KHDRBS2: variants seen among roughly 807,000 people sequenced by gnomAD.
The protein encoded by KHDRBS2 is KH domain-containing, RNA-binding, signal transduction-associated protein 2.
In KHDRBS2, 26 loss-of-function variants were observed where a neutral mutation model predicts 44.3. The ratio of observed to expected loss-of-function variants is 0.59; its 90% confidence interval spans 0.43 to 0.81. The LOEUF (loss-of-function observed/expected upper bound fraction) is 0.81, where lower values mean the gene tolerates loss of function less well. Among genes scored for constraint, KHDRBS2 ranks in the 40% least tolerant of loss-of-function variants. The pLI is 0.00. For missense variants in KHDRBS2, 476 were observed against 433.1 expected (o/e 1.10, Z -0.88); for synonymous variants, 194 against 151.1 (o/e 1.28, Z -2.08).
rs1414630372 is a variant in KHDRBS2 at position 62,096,805 on chromosome 6, GTTGT to G, written c.220-48815_220-48812del. On this transcript the variant is annotated intron_variant, in intron 2 of 8. Coordinates refer to ENST00000281156, the MANE Select transcript of KHDRBS2 (RefSeq NM_152688.4). The stretch of plus-strand genomic sequence containing the variant: ...CTAGTTCCTTGAGCTGCAACATTAG[GTTGT>G]TTATTTTATTTTATTTTTTTCTGAT... 4.6e-5 allele frequency among the ~76,000 whole-genome samples: 7 copies of G among 151,758 alleles called. No homozygotes were observed. The East Asian group carries it at 1.2e-3, about 25-fold the overall frequency.
chr6:62,024,911 C>T (rs1275440777), intron 3 of KHDRBS2, among the ~76,000 whole-genome samples: 2 of 151,558 alleles, frequency 1.3e-5, no homozygotes, highest in African/African-American at 4.8e-5. Flanking sequence ...AAATAGAAAT[C>T]TGGGATATAC....
chr6:61,627,156 G>T, the KHDRBS2 span, among the ~76,000 whole-genome samples: 1 of 149,952 alleles, frequency 6.7e-6, no homozygotes, highest in Admixed American at 6.7e-5. Flanking sequence ...GGGAGGCTGA[G>T]GCAGGAGAAT....
At position 62,215,428 on chromosome 6, in the gene KHDRBS2, T is replaced by C. The variant is rs965870066; in HGVS notation, c.92-38116A>G. Reference sequence around the variant, plus strand: ...TCAGCTCCTTCCTCCAACTCAACCATATAAGCCACTCCTCCCTGCAGATAG... The same window carrying C: ...TCAGCTCCTTCCTCCAACTCAACCACATAAGCCACTCCTCCCTGCAGATAG... On this transcript the variant is annotated intron_variant, in intron 1 of 8. Transcript: ENST00000281156. 4.0e-5 allele frequency among the ~76,000 whole-genome samples: 6 copies of C among 151,672 alleles called. 1 individual carries two copies. The highest frequency in any genetic ancestry group is 2.6e-4 in the Admixed American group (4 of 15,170).
At chr6:62,135,446 A>C (rs1811304609) in intron 2 of KHDRBS2, among the ~76,000 whole-genome samples, 1 of 152,150 alleles carries the variant, frequency 6.6e-6, no homozygotes, top group Non-Finnish European at 1.5e-5. Context: ...CAGCTGGTAC[A>C]GCCATTATGG....
At chr6:61,892,580 T>G (rs1043157772) in intron 6 of KHDRBS2, among the ~76,000 whole-genome samples, 3 of 151,442 alleles carry the variant, frequency 2.0e-5, no homozygotes, top group Non-Finnish European at 4.4e-5. Flanking sequence ...CAGAACAGAG[T>G]CCTAAGAAAT....
chr6:61,654,732 C>A, the KHDRBS2 span, among the ~76,000 whole-genome samples: 1 of 151,224 alleles, frequency 6.6e-6, no homozygotes, highest in Non-Finnish European at 1.5e-5. Flanking sequence ...CGTAACTAAC[C>A]CTAAGCTGGA....
intron 2 of KHDRBS2, among the ~76,000 whole-genome samples, chr6:62,100,817 C>T (rs1157167354): frequency 2.0e-5 from 3 of 152,098 alleles, no homozygotes; most frequent in Non-Finnish European, 4.4e-5. Flanking sequence ...GACTTTAGTA[C>T]AATATTCATT....
intron 3 of KHDRBS2, among the ~76,000 whole-genome samples, chr6:62,018,322 T>A (rs968776388): frequency 2.0e-5 from 3 of 150,718 alleles, no homozygotes; most frequent in African/African-American, 7.3e-5. Flanking sequence ...TGTGTGTGTG[T>A]GTGTGTGTGT....
rs1445698607 is a variant in KHDRBS2 at position 61,901,292 on chromosome 6, C to G, written c.563G>C (p.Arg188Thr). 1 of 1,613,656 alleles carries G rather than the reference C, an allele frequency of 6.2e-7. No homozygotes were observed. Among genetic ancestry groups the G allele is most frequent in the Non-Finnish European group, 8.5e-7 (1 of 1,179,658 alleles). Residue 188 changes from arginine (R) to threonine (T), a missense_variant, in exon 5 of 9, where the codon AGA (arginine) becomes ACA (threonine). Transcript: ENST00000281156. ...TCTGATCCCTCTGCCTCTAATACCT[C>G]TGCCACGACCAGAGTCCTCTGAGCC... ...LNGSEDSGRGRGIRGRGIRIA... is the reference protein window; with the variant it reads ...LNGSEDSGRGTGIRGRGIRIA...
chr6:62,278,999 C>T (rs1841409877), intron 1 of KHDRBS2, among the ~76,000 whole-genome samples: 1 of 152,142 alleles, frequency 6.6e-6, no homozygotes, highest in Admixed American at 6.6e-5. Context: ...GAGGCTGAGA[C>T]AGGAGAATGG....
the KHDRBS2 span, among the ~76,000 whole-genome samples, chr6:61,640,321 T>C: frequency 3.3e-5 from 5 of 152,086 alleles, no homozygotes; most frequent in African/African-American, 9.7e-5. Flanking sequence ...AGTTTAAATA[T>C]ACATAAAGTA....
In KHDRBS2 at chr6:62,212,177, T is replaced by C. The variant is rs562087976; in HGVS notation, c.92-34865A>G. On this transcript the variant is annotated intron_variant, in intron 1 of 8. Transcript: ENST00000281156. ...GAGAAAGGCTAAGTCAAATTCAATGTAGAACTTTCATCTCCTATATATGTT... is the reference window on the plus strand; with the variant it reads ...GAGAAAGGCTAAGTCAAATTCAATGCAGAACTTTCATCTCCTATATATGTT... Among the ~76,000 whole-genome samples the C allele has an allele frequency of 4.3e-4, 66 of 152,266 alleles. No individual in the cohort carries two copies. The South Asian group carries it at 0.013, about 30-fold the overall frequency.
chr6:61,596,659 T>G, the KHDRBS2 span, among the ~76,000 whole-genome samples: 5 of 152,012 alleles, frequency 3.3e-5, no homozygotes, highest in East Asian at 9.6e-4. Flanking sequence ...TTTAATTAAT[T>G]TATTTATTTT....
chr6:62,262,876 G>C (rs1838595919), intron 1 of KHDRBS2, among the ~76,000 whole-genome samples: 1 of 151,528 alleles, frequency 6.6e-6, no homozygotes, highest in Non-Finnish European at 1.5e-5. Flanking sequence ...AAAATATATA[G>C]TAAAATTTTT....
At chr6:61,804,543 C>T (rs1431344186) in intron 6 of KHDRBS2, among the ~76,000 whole-genome samples, 1 of 152,224 alleles carries the variant, frequency 6.6e-6, no homozygotes, top group African/African-American at 2.4e-5. Flanking sequence ...TCTGCACTGC[C>T]TTAGCAGAGG....
the KHDRBS2 span, chr6:61,574,334 C>T: frequency 9.2e-6 from 14 of 1,528,650 alleles, no homozygotes; most frequent in South Asian, 7.2e-5. Context: ...ATGAATGGCT[C>T]GACGAGGTTT....
chr6:62,280,341 G>T (rs1279662822), intron 1 of KHDRBS2, among the ~76,000 whole-genome samples: 2 of 152,094 alleles, frequency 1.3e-5, no homozygotes, highest in Non-Finnish European at 2.9e-5. Flanking sequence ...GTGGGAAGGA[G>T]GGAAATGAAG....
At chr6:62,008,862 C>G (rs547650932) in intron 3 of KHDRBS2, among the ~76,000 whole-genome samples, 2 of 152,310 alleles carry the variant, frequency 1.3e-5, no homozygotes, top group African/African-American at 4.8e-5. Flanking sequence ...TCCCCAGCCA[C>G]GTGGAACTGT....
intron 1 of KHDRBS2, among the ~76,000 whole-genome samples, chr6:62,236,123 TA>T (rs1833669199): frequency 6.6e-6 from 1 of 152,078 alleles, no homozygotes; most frequent in South Asian, 2.1e-4. Flanking sequence ...TGACACACCA[TA>T]AATATACCAC....
Sources: allele counts gnomAD v4.1 joint callset (sites outside exome capture counted in the v4.1 genomes callset), GRCh38; gene constraint gnomAD v4.1.1; transcripts MANE v1.5; gene names NCBI Gene and HGNC (gene_info 2026-07-23, HGNC 2026-07-21).